Variants in FOCAD observed in about 807,000 individuals in gnomAD.
FOCAD encodes the protein focadhesin, also known as KIAA1797.
In FOCAD, 198 loss-of-function variants were observed where a neutral mutation model predicts 225.6. The ratio of observed to expected loss-of-function variants is 0.88; its 90% CI spans 0.78 to 0.99. The LOEUF (loss-of-function observed/expected upper bound fraction) is 0.99. FOCAD is among the 50% of genes least tolerant of loss of function. The probability of loss-of-function intolerance (pLI) is 0.00; values close to 1 mark genes in which losing one functional copy is unlikely to be tolerated. For missense variants in FOCAD, 2,713 were observed against 2,123.6 expected (o/e 1.28, Z -5.46); for synonymous variants, 897 against 755.0 (o/e 1.19, Z -3.08).
intron 11 of FOCAD, among the ~76,000 whole-genome samples, chr9:20,798,470 C>A (rs1821389071): frequency 6.6e-6 from 1 of 152,158 alleles, no homozygotes; most frequent in Non-Finnish European, 1.5e-5. Flanking sequence ...GTGAATGCAT[C>A]TGGTCCTGGA....
Position 20,904,405 on chromosome 9 carries a change from C to G in FOCAD, c.2626-2745C>G, listed in dbSNP as rs539122772. Among the ~76,000 whole-genome samples, 14 of 151,858 alleles carry G rather than the reference C, an allele frequency of 9.2e-5. No individual in the cohort carries two copies. In the South Asian group the frequency reaches 2.3e-3, roughly 25 times the overall value. ...CTTACTTTGGTCTTTACATCCTCAC[C>G]TCCTCCAAGTTTTTGCCCATACTTT... On this transcript the variant is annotated intron_variant, in intron 21 of 43. Transcript: ENST00000338382.
intron 22 of FOCAD, among the ~76,000 whole-genome samples, chr9:20,911,771 C>G (rs540318597): frequency 6.6e-6 from 1 of 152,240 alleles, no homozygotes; most frequent in South Asian, 2.1e-4. Context: ...CATTCTGAGC[C>G]CATGTCCTTA....
intron 15 of FOCAD, 78 bp downstream of exon 15, chr9:20,823,193 T>A: frequency 7.0e-7 from 1 of 1,428,808 alleles, no homozygotes; most frequent in Non-Finnish European, 9.4e-7. Context: ...AATGTAAGAT[T>A]AGATTCAAAT....
At chr9:20,986,266 A>ATTTTTTCTTTTTTT in intron 39 of FOCAD, 22 bp from the exon 40 acceptor site, 1 of 705,686 alleles carries the variant, frequency 1.4e-6, no homozygotes, top group Non-Finnish European at 1.8e-6. Context: ...TAACTAAACA[A>ATTTTTTCTTTTTTT]TTTTTTTTTT....
intron 5 of FOCAD, among the ~76,000 whole-genome samples, chr9:20,754,086 C>T (rs1159951592): frequency 6.6e-6 from 1 of 152,094 alleles, no homozygotes; most frequent in Non-Finnish European, 1.5e-5. Flanking sequence ...TAACTTGACT[C>T]AGTTAAATTG....
intron 2 of FOCAD, among the ~76,000 whole-genome samples, chr9:20,662,004 A>G (rs934301208): frequency 6.6e-6 from 1 of 152,220 alleles, no homozygotes; most frequent in Non-Finnish European, 1.5e-5. Context: ...GTGGTAGAGT[A>G]TGCACCTTTT....
intron 28 of FOCAD, among the ~76,000 whole-genome samples, chr9:20,940,997 C>T (rs1324904476): frequency 6.6e-6 from 1 of 151,888 alleles, no homozygotes; most frequent in African/African-American, 2.4e-5. Flanking sequence ...TGCTTTTTAA[C>T]TAGACCCAGA....
chr9:20,753,179 A>G (rs549611145), intron 5 of FOCAD, among the ~76,000 whole-genome samples: 104 of 152,212 alleles, frequency 6.8e-4, no homozygotes, highest in Middle Eastern at 6.8e-3. Flanking sequence ...TGCCCTGGCC[A>G]GAACTTCCAA....
At chr9:20,822,629 A>G (rs1444183217) in intron 14 of FOCAD, among the ~76,000 whole-genome samples, 5 of 152,080 alleles carry the variant, frequency 3.3e-5, no homozygotes, top group Non-Finnish European at 7.4e-5. Context: ...ATCTGATACT[A>G]TCAGGCCAGA....
At chr9:20,859,927 G>A (rs1828606185) in intron 15 of FOCAD, among the ~76,000 whole-genome samples, 1 of 151,908 alleles carries the variant, frequency 6.6e-6, no homozygotes, top group Non-Finnish European at 1.5e-5. Context: ...AATCAAGAAT[G>A]ATGAATGATT....
intron 24 of FOCAD, 42 bp downstream of exon 24, chr9:20,916,979 A>G: frequency 1.3e-6 from 2 of 1,509,334 alleles, no homozygotes; most frequent in Non-Finnish European, 1.8e-6. Context: ...TTTTATAAAT[A>G]CCTTTTCCTG....
chr9:20,829,683 G>A (rs1360144340), intron 15 of FOCAD, among the ~76,000 whole-genome samples: 7 of 152,020 alleles, frequency 4.6e-5, no homozygotes, highest in African/African-American at 1.2e-4. Flanking sequence ...CTTGGTTTGT[G>A]GGCCTTTCAC....
chr9:20,937,579 C>T (rs1313294280), intron 28 of FOCAD, among the ~76,000 whole-genome samples: 1 of 152,078 alleles, frequency 6.6e-6, no homozygotes, highest in Admixed American at 6.6e-5. Context: ...AAAATTAATT[C>T]AAGATGGATT....
intron 11 of FOCAD, among the ~76,000 whole-genome samples, chr9:20,815,914 T>C (rs1823681882): frequency 6.6e-6 from 1 of 152,264 alleles, no homozygotes; most frequent in Admixed American, 6.5e-5. Flanking sequence ...TATGTAAAAT[T>C]ATTTTCCACA....
intron 33 of FOCAD, among the ~76,000 whole-genome samples, chr9:20,950,788 C>G (rs748741423): frequency 6.6e-6 from 1 of 152,158 alleles, no homozygotes; most frequent in Admixed American, 6.5e-5. Flanking sequence ...TTGATTGAAT[C>G]ATTCATTCAT....
rs538185587 is a variant in FOCAD, at chr9:20,780,412, A to T, written c.995-1315A>T. Reference sequence around the variant, plus strand: ...AAAGATAATACAGTATCAAACAGTCAAATACTTTTATTATTTCCTGGTTAG... The same window carrying T: ...AAAGATAATACAGTATCAAACAGTCTAATACTTTTATTATTTCCTGGTTAG... On this transcript the variant is annotated intron_variant, in intron 9 of 43. Coordinates refer to ENST00000338382, the MANE Select transcript of FOCAD (RefSeq NM_001375567.1). 3.3e-5 allele frequency among the ~76,000 whole-genome samples: 5 copies of T among 152,314 alleles called. No individual in the cohort carries two copies. In the South Asian group the frequency reaches 1.0e-3, roughly 32 times the overall value.
chr9:20,753,862 T>C (rs1219702331), intron 5 of FOCAD, among the ~76,000 whole-genome samples: 1 of 152,048 alleles, frequency 6.6e-6, no homozygotes, highest in Non-Finnish European at 1.5e-5. Flanking sequence ...GGTTATTGTC[T>C]GCTACTGTTA....
intron 16 of FOCAD, among the ~76,000 whole-genome samples, chr9:20,864,564 G>A (rs545345076): frequency 6.6e-6 from 1 of 152,128 alleles, no homozygotes; most frequent in South Asian, 2.1e-4. Flanking sequence ...GCAAGCTGGA[G>A]TCTTTTGTTC....
chr9:20,755,695 G>T (rs1828985244), intron 5 of FOCAD, among the ~76,000 whole-genome samples: 1 of 152,204 alleles, frequency 6.6e-6, no homozygotes, highest in African/African-American at 2.4e-5. Context: ...ATTAATGGAT[G>T]ATTATATCTG....
Sources: allele counts gnomAD v4.1 joint callset (sites outside exome capture counted in the v4.1 genomes callset), GRCh38; gene constraint gnomAD v4.1.1; transcripts MANE v1.5; gene names NCBI Gene and HGNC (gene_info 2026-07-23, HGNC 2026-07-21).